STARD13: variants seen among roughly 807,000 people sequenced by gnomAD.
STARD13 encodes StAR related lipid transfer domain containing 13.
A neutral mutation model predicts 106.4 loss-of-function variants in STARD13; 62 were observed. That is an observed-to-expected ratio of 0.58 (90% confidence interval 0.48 to 0.72). The LOEUF (loss-of-function observed/expected upper bound fraction) is 0.72. STARD13 is among the 30% of genes least tolerant of loss of function. The pLI is 0.00. For synonymous variants in STARD13, 565 were observed against 553.0 expected, an observed-to-expected ratio of 1.02 and a Z score of -0.31; for missense variants, 1,387 against 1,424.0, an observed-to-expected ratio of 0.97 and a Z score of 0.42.
chr13:33,456,699 C>T, the STARD13 span, among the ~76,000 whole-genome samples: 59 of 152,214 alleles, frequency 3.9e-4, no homozygotes, highest in African/African-American at 7.5e-4. Flanking sequence ...TGAATGGGAT[C>T]GGTGCCTTTG....
At chr13:33,390,496 G>T in the STARD13 span, among the ~76,000 whole-genome samples, 3 of 152,180 alleles carry the variant, frequency 2.0e-5, no homozygotes, top group Non-Finnish European at 4.4e-5. Context: ...ACTTGAGAAT[G>T]ACAGAGGGCA....
chr13:33,172,422 AAG>A lies in STARD13; in HGVS notation c.170-4802_170-4801del, dbSNP rs549047747. Among the ~76,000 whole-genome samples, 130 of 152,266 alleles carry A rather than the reference AAG, an allele frequency of 8.5e-4. 1 individual carries two copies. Among genetic ancestry groups the A allele is most frequent in the African/African-American group, 3.0e-3 (126 of 41,544 alleles). ...AAGGCTGGAAGTCTATGGGAGTTAA[AAG>A]AGATTTACAAGCTGTTTCTTTAATG... is the stretch of plus-strand genomic sequence containing the variant. On this transcript the variant is annotated intron_variant, in intron 1 of 13. Transcript: ENST00000336934.
At position 33,127,539 on chromosome 13, in the gene STARD13, G is replaced by A. The variant is rs1385610629; in HGVS notation, c.1756C>T (p.Arg586Ter). Reference protein sequence around the residue: ...ASLTRPNRRLRWNSFQLSHQP... With the variant: ...ASLTRPNRRL ...TGCGACAGCTGGAAACTGTTCCATCGGAGTCGCCTTTACCAGAGAGACCAT... is the reference window on the plus strand; with the variant it reads ...TGCGACAGCTGGAAACTGTTCCATCAGAGTCGCCTTTACCAGAGAGACCAT... The change falls in exon 6 of 14, where the codon CGA becomes TGA. Residue 586 changes from arginine (R) to a stop codon, truncating the protein, a stop_gained. Transcript: ENST00000336934. LOFTEE classifies it high-confidence loss of function. 5.2e-6 allele frequency: 8 copies of A among 1,543,668 alleles called. No homozygotes were observed. The highest frequency in any genetic ancestry group is 2.4e-5 in the East Asian group (1 of 41,718).
At chr13:33,117,886 C>T (rs1875620231) in intron 8 of STARD13, 179 bp downstream of exon 8, 3 of 985,168 alleles carry the variant, frequency 3.0e-6, no homozygotes, top group Non-Finnish European at 3.6e-6. Context: ...AAAAAAATGG[C>T]TTGTGGATTT....
chr13:33,526,145 G>A, the STARD13 span, among the ~76,000 whole-genome samples: 11 of 151,118 alleles, frequency 7.3e-5, no homozygotes, highest in East Asian at 3.9e-4. Flanking sequence ...TTTTACAGGC[G>A]TGAGCCACTG....
intron 3 of STARD13, among the ~76,000 whole-genome samples, chr13:33,142,732 C>T (rs183805885): frequency 2.6e-5 from 4 of 152,292 alleles, no homozygotes; most frequent in Admixed American, 6.5e-5. Context: ...AAGTCTATCC[C>T]GTTAACCTCT....
chr13:33,309,325 C>T (rs1433157171), intron 1 of STARD13, among the ~76,000 whole-genome samples: 1 of 152,086 alleles, frequency 6.6e-6, no homozygotes, highest in Admixed American at 6.5e-5. Context: ...GCAATATATC[C>T]AGGGCCCAGA....
At chr13:33,419,369 G>A in the STARD13 span, among the ~76,000 whole-genome samples, 845 of 152,234 alleles carry the variant, frequency 5.6e-3, 7 homozygotes, top group African/African-American at 0.018. Context: ...GGATATCAGT[G>A]ATTGAAGATC....
chr13:33,436,950 A>G, the STARD13 span, among the ~76,000 whole-genome samples: 3 of 152,158 alleles, frequency 2.0e-5, no homozygotes, highest in African/African-American at 7.2e-5. Flanking sequence ...TATACGTCAC[A>G]TTCCGCCTTC....
At chr13:33,164,171 AT>A in intron 3 of STARD13, 1 of 152,136 alleles carries the variant, frequency 6.6e-6, no homozygotes, top group East Asian at 1.9e-4. Context: ...AGCCCATAGT[AT>A]TATTTTCTTG....
At chr13:33,650,938 C>T in the STARD13 span, among the ~76,000 whole-genome samples, 3 of 152,258 alleles carry the variant, frequency 2.0e-5, no homozygotes, top group African/African-American at 7.2e-5. Flanking sequence ...ATCTTACTGG[C>T]ACCTTGATCT....
chr13:33,154,039 T>C (rs1173824510), intron 3 of STARD13, among the ~76,000 whole-genome samples: 1 of 152,208 alleles, frequency 6.6e-6, no homozygotes, highest in East Asian at 1.9e-4. Context: ...GCTGGCGGAC[T>C]GTTGGAAAAT....
the STARD13 span, among the ~76,000 whole-genome samples, chr13:33,415,346 C>A: frequency 0.014 from 2,204 of 152,064 alleles, 51 homozygotes; most frequent in African/African-American, 0.05. Context: ...CCAGCCTGGG[C>A]GACAGAGTGA....
At chr13:33,492,795 C>T in the STARD13 span, among the ~76,000 whole-genome samples, 1 of 152,314 alleles carries the variant, frequency 6.6e-6, no homozygotes, top group Non-Finnish European at 1.5e-5. Context: ...CTTCGCTTTC[C>T]TAATAAGCTT....
At chr13:33,447,185 A>C in the STARD13 span, among the ~76,000 whole-genome samples, 122 of 152,356 alleles carry the variant, frequency 8.0e-4, no homozygotes, top group East Asian at 7.1e-3. Flanking sequence ...AAATATTTGA[A>C]GCAAGTTTTC....
chr13:33,320,370 C>T (rs893878174), intron 1 of STARD13, among the ~76,000 whole-genome samples: 10 of 152,136 alleles, frequency 6.6e-5, no homozygotes, highest in Admixed American at 4.6e-4. Flanking sequence ...GACATCAAGG[C>T]ATTGCAGGGT....
At chr13:33,516,976 A>AG in the STARD13 span, among the ~76,000 whole-genome samples, 1 of 151,960 alleles carries the variant, frequency 6.6e-6, no homozygotes, top group Non-Finnish European at 1.5e-5. Context: ...AAGAAAAAAA[A>AG]GTAATATGTC....
chr13:33,241,146 G>A (rs1195525747), intron 1 of STARD13, among the ~76,000 whole-genome samples: 3 of 152,266 alleles, frequency 2.0e-5, no homozygotes, highest in Middle Eastern at 3.4e-3. Flanking sequence ...TGAGCTTACA[G>A]GTATGAAATT....
chr13:33,360,680 A>ATTCCTTCTGTGT, the STARD13 span, among the ~76,000 whole-genome samples: 1,102 of 126,374 alleles, frequency 8.7e-3, 9 homozygotes, highest in African/African-American at 0.013. Flanking sequence ...AGACAGAAGG[A>ATTCCTTCTGTGT]ATCCTTCTGT....
Sources: gnomAD v4.1 joint callset for allele counts (sites outside exome capture counted in the v4.1 genomes callset) on GRCh38, gnomAD v4.1.1 for gene constraint, MANE v1.5 for transcripts, NCBI Gene and HGNC (gene_info 2026-07-23, HGNC 2026-07-21) for gene names.